The following ARHGAP20 variants were observed in gnomAD, a reference collection of about 807,000 sequenced individuals.
The protein encoded by ARHGAP20 is rho GTPase-activating protein 20.
ARHGAP20 carries 34 observed loss-of-function variants against 73.7 expected under a neutral mutation model. That is an observed-to-expected ratio of 0.46 (90% CI 0.35 to 0.61). The LOEUF is 0.61. Ranked by LOEUF, ARHGAP20 falls within the 20% of genes least tolerant of loss-of-function variation. ARHGAP20 has a pLI of 0.00. For synonymous variants in ARHGAP20, 523 were observed against 518.2 expected (o/e 1.01, Z -0.13); for missense variants, 1,314 against 1,420.9 (o/e 0.92, Z 1.21).
intron 1 of ARHGAP20, among the ~76,000 whole-genome samples, chr11:110,695,784 G>C (rs1271891270): frequency 6.6e-6 from 1 of 151,532 alleles, no homozygotes; most frequent in East Asian, 1.9e-4. Flanking sequence ...TAAACATAGA[G>C]TTACCATACG....
intron 2 of ARHGAP20, among the ~76,000 whole-genome samples, chr11:110,650,727 G>A (rs1348418494): frequency 6.6e-6 from 1 of 151,854 alleles, no homozygotes; most frequent in East Asian, 1.9e-4. Flanking sequence ...TTTTTCAAGT[G>A]ATCAAAGCAT....
intron 1 of ARHGAP20, among the ~76,000 whole-genome samples, chr11:110,699,670 T>C (rs1329867196): frequency 6.6e-6 from 1 of 152,000 alleles, no homozygotes; most frequent in Non-Finnish European, 1.5e-5. Flanking sequence ...TCTTTTCTAT[T>C]GTTGGTTTAA....
At chr11:110,625,710 A>G (rs75258712) in intron 3 of ARHGAP20, among the ~76,000 whole-genome samples, 1 of 106,992 alleles carries the variant, frequency 9.3e-6, no homozygotes, top group South Asian at 3.3e-4. Context: ...AAACCACCAT[A>G]TCTCTTGACC....
chr11:110,594,425 TA>T (rs1270068222), intron 9 of ARHGAP20, among the ~76,000 whole-genome samples: 2 of 152,188 alleles, frequency 1.3e-5, no homozygotes, highest in African/African-American at 4.8e-5. Context: ...GGATAATCTA[TA>T]AAAGTAGTAC....
chr11:110,594,340 C>T (rs1367890341), intron 9 of ARHGAP20, among the ~76,000 whole-genome samples: 1 of 152,156 alleles, frequency 6.6e-6, no homozygotes, highest in Non-Finnish European at 1.5e-5. Flanking sequence ...AGTTACTTAA[C>T]CTCTTTTCTT....
intron 1 of ARHGAP20, among the ~76,000 whole-genome samples, chr11:110,697,562 A>G (rs1450212018): frequency 6.6e-6 from 1 of 151,590 alleles, no homozygotes; most frequent in Admixed American, 6.6e-5. Context: ...TGCTTTGCAG[A>G]CGCTGTTTAG....
At chr11:110,666,395 C>T (rs1949724843) in intron 2 of ARHGAP20, among the ~76,000 whole-genome samples, 2 of 151,938 alleles carry the variant, frequency 1.3e-5, no homozygotes, top group Admixed American at 1.3e-4. Context: ...CTAAAATAGC[C>T]AAATTTGAAA....
chr11:110,691,764 G>A (rs924699787), intron 1 of ARHGAP20, among the ~76,000 whole-genome samples: 3 of 152,074 alleles, frequency 2.0e-5, no homozygotes, highest in African/African-American at 7.2e-5. Context: ...CTCTGGCCTC[G>A]GTGTTGCTAT....
chr11:110,702,404 C>T (rs1482063212), intron 1 of ARHGAP20, among the ~76,000 whole-genome samples: 1 of 152,038 alleles, frequency 6.6e-6, no homozygotes, highest in Non-Finnish European at 1.5e-5. Context: ...TAAGAGCTAT[C>T]TATGACAAAC....
At chr11:110,609,079 A>G in intron 7 of ARHGAP20, 29 bp from the exon 8 acceptor site, 1 of 1,595,594 alleles carries the variant, frequency 6.3e-7, no homozygotes, top group Non-Finnish European at 8.6e-7. Flanking sequence ...AAATGTCACA[A>G]TAAATCTTTC....
rs1040196610 is a variant in ARHGAP20, at chr11:110,589,785, G to A, written c.1305+863C>T. 1.2e-5 allele frequency: 10 copies of A among 857,464 alleles called. No individual in the cohort carries two copies. The African/African-American group carries it at 1.5e-4, about 13-fold the overall frequency. 53.1% of individuals were successfully genotyped at this position (857,464 alleles called of 1,614,324 possible). A position where few individuals can be genotyped will look rare whatever the true frequency, so the allele number is the denominator to read the frequency against. ...AATGCCAAGTGTGGTAAAAGTAAAG[G>A]AAAACTTAGATGCTGAAGTCATTCT... On this transcript the variant is annotated intron_variant, in intron 11 of 14. Coordinates refer to ENST00000683387, the MANE Select transcript of ARHGAP20 (RefSeq NM_001384657.1).
At chr11:110,614,300 C>T (rs924392507) in intron 6 of ARHGAP20, among the ~76,000 whole-genome samples, 8 of 152,192 alleles carry the variant, frequency 5.3e-5, no homozygotes, top group African/African-American at 1.9e-4. Flanking sequence ...AAGCAATGTT[C>T]TTTCCAAGCG....
At position 110,579,511 on chromosome 11, in the gene ARHGAP20, A is replaced by C. The variant is rs751201807; in HGVS notation, c.3435T>G (p.Pro1145=). 6.2e-7 allele frequency: 1 copy of C among 1,614,154 alleles called. No homozygotes were observed. Among genetic ancestry groups the C allele is most frequent in the Non-Finnish European group, 8.5e-7 (1 of 1,180,026 alleles). The change falls in exon 15 of 15, where the codon CCT becomes CCG. Residue 1145 remains proline (P), a synonymous_variant. Transcript: ENST00000683387. ...LCMKSHEEIE[P]GSQSSSGSLP... Reference sequence around the variant, plus strand: ...GAGAACCAGAAGAGCTCTGACTACCAGGCTCTATTTCCTCATGTGACTTCA... The same window carrying C: ...GAGAACCAGAAGAGCTCTGACTACCCGGCTCTATTTCCTCATGTGACTTCA...
chr11:110,597,294 T>TA (rs35017824), intron 9 of ARHGAP20, among the ~76,000 whole-genome samples: 11,803 of 142,460 alleles, frequency 0.083, 515 homozygotes, highest in Middle Eastern at 0.11. Context: ...ATAATAAAAT[T>TA]AAAAAAAAAA....
At chr11:110,645,855 C>G (rs1357413670) in intron 2 of ARHGAP20, among the ~76,000 whole-genome samples, 1 of 152,118 alleles carries the variant, frequency 6.6e-6, no homozygotes, top group African/African-American at 2.4e-5. Flanking sequence ...CCTAAGTGAA[C>G]TAACACAGAA....
intron 9 of ARHGAP20, among the ~76,000 whole-genome samples, chr11:110,596,437 C>G (rs1355814036): frequency 6.6e-6 from 1 of 150,764 alleles, no homozygotes; most frequent in Non-Finnish European, 1.5e-5. Flanking sequence ...TGAACTCAAA[C>G]GAATTTACAA....
At chr11:110,662,897 T>C (rs971133290) in intron 2 of ARHGAP20, among the ~76,000 whole-genome samples, 3 of 151,944 alleles carry the variant, frequency 2.0e-5, no homozygotes, top group Admixed American at 1.3e-4. Flanking sequence ...GTAGGAAATA[T>C]ACAAGATGAA....
intron 2 of ARHGAP20, among the ~76,000 whole-genome samples, chr11:110,634,913 C>A (rs1408255948): frequency 3.3e-5 from 5 of 150,516 alleles, no homozygotes; most frequent in Non-Finnish European, 7.4e-5. Flanking sequence ...AAAAGCCATG[C>A]AAAAGTCATA....
chr11:110,640,375 T>C (rs780825014), intron 2 of ARHGAP20, among the ~76,000 whole-genome samples: 1 of 151,960 alleles, frequency 6.6e-6, no homozygotes, highest in Non-Finnish European at 1.5e-5. Flanking sequence ...GGTTCTGACA[T>C]GTAGGTTAGA....
Sources: allele counts gnomAD v4.1 joint callset (sites outside exome capture counted in the v4.1 genomes callset), GRCh38; gene constraint gnomAD v4.1.1; transcripts MANE v1.5; gene names NCBI Gene and HGNC (gene_info 2026-07-23, HGNC 2026-07-21).